Variants in JDP2 observed in about 807,000 individuals in gnomAD.
JDP2 encodes Jun dimerization protein 2, also known as progesterone receptor co-activator.
Under a neutral mutation model 17.1 loss-of-function variants are expected in JDP2, and 9 were observed. The observed-to-expected ratio is 0.53, with a 90% CI of 0.32 to 0.92. The LOEUF (loss-of-function observed/expected upper bound fraction) is 0.92, where lower values mean the gene tolerates loss of function less well. Among genes scored for constraint, JDP2 ranks in the 40% least tolerant of loss-of-function variants. The probability of loss-of-function intolerance (pLI) is 0.04; values close to 1 mark genes in which losing one functional copy is unlikely to be tolerated. For synonymous variants in JDP2, 107 were observed against 95.6 expected (o/e 1.12, Z -0.69); for missense variants, 179 against 220.0 (o/e 0.81, Z 1.18).
Position 75,471,873 on chromosome 14 carries a change from G to T in JDP2, c.*2398G>T. 6.6e-6 allele frequency: 1 copy of T among 152,620 alleles called. No individual in the cohort carries two copies. Among genetic ancestry groups the T allele is most frequent in the South Asian group, 2.0e-4 (1 of 4,998 alleles). 9.5% of individuals were successfully genotyped at this position (152,620 alleles called of 1,614,324 possible). A position where few individuals can be genotyped will look rare whatever the true frequency, so the allele number is the denominator to read the frequency against. On this transcript the variant is annotated 3_prime_UTR_variant, in exon 4 of 4. Transcript: ENST00000651602. Reference sequence around the variant, plus strand: ...AATCCTTTGATATTTTTCAAGCCATGAGAAAAATGAAGTGGACTTACCAGG... The same window carrying T: ...AATCCTTTGATATTTTTCAAGCCATTAGAAAAATGAAGTGGACTTACCAGG...
chr14:75,456,685 G>C (rs973541949), intron 2 of JDP2, among the ~76,000 whole-genome samples: 1 of 152,134 alleles, frequency 6.6e-6, no homozygotes, highest in Non-Finnish European at 1.5e-5. Context: ...TTCACAGCCC[G>C]ATCTTCCTGC....
At chr14:75,457,263 C>T (rs1886154320) in intron 2 of JDP2, among the ~76,000 whole-genome samples, 1 of 152,216 alleles carries the variant, frequency 6.6e-6, no homozygotes, top group Non-Finnish European at 1.5e-5. Flanking sequence ...CACACATGGG[C>T]AAATGCTTTA....
chr14:75,452,439 T>C (rs1029101351), intron 2 of JDP2, among the ~76,000 whole-genome samples: 1 of 152,118 alleles, frequency 6.6e-6, no homozygotes, highest in South Asian at 2.1e-4. Flanking sequence ...GGTGACCTGA[T>C]TGACTCGAGG....
chr14:75,431,527 G>C (rs1417620745), intron 1 of JDP2, among the ~76,000 whole-genome samples: 1 of 152,234 alleles, frequency 6.6e-6, no homozygotes, highest in Non-Finnish European at 1.5e-5. Context: ...CCTAGTTCTT[G>C]ATGGCACCTT....
At chr14:75,465,942 T>C (rs1466618911) in intron 3 of JDP2, among the ~76,000 whole-genome samples, 2 of 152,312 alleles carry the variant, frequency 1.3e-5, no homozygotes, top group East Asian at 1.9e-4. Context: ...TCATAATTAA[T>C]GTGAGAAAGA....
chr14:75,456,221 T>A (rs1402382254), intron 2 of JDP2, among the ~76,000 whole-genome samples: 1 of 152,216 alleles, frequency 6.6e-6, no homozygotes, highest in Admixed American at 6.5e-5. Context: ...AGACAGCGTC[T>A]TTCTCTGTGT....
At chr14:75,455,536 C>T (rs1412827926) in intron 2 of JDP2, among the ~76,000 whole-genome samples, 1 of 152,224 alleles carries the variant, frequency 6.6e-6, no homozygotes, top group Non-Finnish European at 1.5e-5. Flanking sequence ...ACTCTGGCTT[C>T]TGGTTGAACT....
chr14:75,465,716 C>T (rs561238434), intron 3 of JDP2, among the ~76,000 whole-genome samples: 8 of 152,328 alleles, frequency 5.3e-5, no homozygotes, highest in South Asian at 2.1e-4. Context: ...GAGGAAGTGA[C>T]GTGGCCAAGT....
In JDP2 at chr14:75,432,783, CT is replaced by C. The variant is rs367601577; in HGVS notation, c.-24+4536del. Among the ~76,000 whole-genome samples the C allele has an allele frequency of 3.7e-3, 564 of 152,266 alleles. 4 individuals are homozygous for C. The highest frequency in any genetic ancestry group is 0.024 in the South Asian group (117 of 4,832). ...ATGCTAAGTTTCTCTTAACCTGTTT[CT>C]TTTTATTTACCTTTGCCATTCTGGA... On this transcript the variant is annotated intron_variant, in intron 1 of 3. Transcript: ENST00000651602.
Position 75,470,037 on chromosome 14 carries a change from G to C in JDP2, c.*562G>C, listed in dbSNP as rs966132924. Reference sequence around the variant, plus strand: ...CCTGCCCAGGAGGCGGCAGCCGGGCGCACCCTCGCCAGCCCTGCTGGAGTT... The same window carrying C: ...CCTGCCCAGGAGGCGGCAGCCGGGCCCACCCTCGCCAGCCCTGCTGGAGTT... On this transcript the variant is annotated 3_prime_UTR_variant, in exon 4 of 4. Transcript: ENST00000651602. 1 of 152,816 alleles carries C rather than the reference G, an allele frequency of 6.5e-6. No homozygotes were observed. Among genetic ancestry groups the C allele is most frequent in the Non-Finnish European group, 1.5e-5 (1 of 68,184 alleles). The allele number at this position is 152,816 out of a possible 1,614,324, so 9.5% of individuals were successfully genotyped here.
At chr14:75,461,843 A>G (rs17783108) in intron 3 of JDP2, among the ~76,000 whole-genome samples, 7,876 of 152,266 alleles carry the variant, frequency 0.052, 319 homozygotes, top group Admixed American at 0.099. Flanking sequence ...CAGGACTGCC[A>G]CTATCTATTT....
At chr14:75,440,399 A>G (rs1566737681) in intron 2 of JDP2, among the ~76,000 whole-genome samples, 2 of 152,252 alleles carry the variant, frequency 1.3e-5, no homozygotes, top group Non-Finnish European at 2.9e-5. Context: ...GGGTGGGGAA[A>G]GAAACTTGCA....
At chr14:75,429,737 T>C (rs1271083368) in intron 1 of JDP2, among the ~76,000 whole-genome samples, 1 of 152,172 alleles carries the variant, frequency 6.6e-6, no homozygotes, top group African/African-American at 2.4e-5. Context: ...CTCACACCTC[T>C]GGGTGGTTAA....
intron 2 of JDP2, among the ~76,000 whole-genome samples, chr14:75,443,398 T>C (rs941857538): frequency 1.3e-5 from 2 of 152,206 alleles, no homozygotes; most frequent in Non-Finnish European, 2.9e-5. Flanking sequence ...TGGAATAGCA[T>C]TGGCCTTCTT....
intron 2 of JDP2, 58 bp from the exon 3 acceptor site, chr14:75,461,368 C>G (rs1025480818): frequency 1.9e-5 from 25 of 1,319,596 alleles, no homozygotes; most frequent in Non-Finnish European, 2.5e-5. Flanking sequence ...TGTGTCAGGA[C>G]AGAAACTGTA....
rs1566748820 is a variant in JDP2 at position 75,464,811 on chromosome 14, C to A, written c.306+3281C>A. 3.9e-5 allele frequency among the ~76,000 whole-genome samples: 6 copies of A among 152,360 alleles called. No individual in the cohort carries two copies. In the South Asian group the frequency reaches 1.2e-3, roughly 32 times the overall value. ...TGGGAGGGGTCAGGTCCACACCCCA[C>A]AGGCCCTGGGGCTGCCTCAGTACAT... On this transcript the variant is annotated intron_variant, in intron 3 of 3. Transcript: ENST00000651602.
intron 3 of JDP2, among the ~76,000 whole-genome samples, chr14:75,468,436 T>C (rs1193763436): frequency 1.3e-5 from 2 of 152,154 alleles, no homozygotes; most frequent in African/African-American, 4.8e-5. Flanking sequence ...TCAGACATAA[T>C]CCAAGAAAAA....
chr14:75,441,537 C>A (rs1307968467), intron 2 of JDP2, among the ~76,000 whole-genome samples: 1 of 152,112 alleles, frequency 6.6e-6, no homozygotes, highest in African/African-American at 2.4e-5. Context: ...GTGACGGCAT[C>A]CAAAAGTAAG....
intron 2 of JDP2, among the ~76,000 whole-genome samples, chr14:75,454,447 T>C (rs1886011241): frequency 6.6e-6 from 1 of 152,230 alleles, no homozygotes; most frequent in Admixed American, 6.5e-5. Context: ...GGTGACTTAC[T>C]GAGATGGCAA....
Sources: allele counts gnomAD v4.1 joint callset (sites outside exome capture counted in the v4.1 genomes callset), GRCh38; gene constraint gnomAD v4.1.1; transcripts MANE v1.5; gene names NCBI Gene and HGNC (gene_info 2026-07-23, HGNC 2026-07-21).